Variants in CCDC191 observed in about 807,000 individuals in gnomAD.
CCDC191 encodes coiled-coil domain-containing protein 191.
Under a neutral mutation model 114.0 loss-of-function variants are expected in CCDC191, and 99 were observed. The observed-to-expected ratio is 0.87, with a 90% CI of 0.74 to 1.03. CCDC191 has a LOEUF of 1.03. Among genes scored for constraint, CCDC191 ranks in the 50% least tolerant of loss-of-function variants. The probability of loss-of-function intolerance (pLI) is 0.00; values close to 1 mark genes in which losing one functional copy is unlikely to be tolerated. For missense variants in CCDC191, 973 were observed against 1,087.0 expected (o/e 0.90, Z 1.47); for synonymous variants, 351 against 376.0 (o/e 0.93, Z 0.77).
intron 9 of CCDC191, among the ~76,000 whole-genome samples, chr3:114,006,859 C>T (rs2075980619): frequency 6.6e-6 from 1 of 151,796 alleles, no homozygotes; most frequent in African/African-American, 2.4e-5. Flanking sequence ...ATCAAGGTCC[C>T]GTTAAAGCCT....
chr3:113,971,547 G>A (rs1206761209), intron 16 of CCDC191, among the ~76,000 whole-genome samples: 1 of 152,170 alleles, frequency 6.6e-6, no homozygotes, highest in Non-Finnish European at 1.5e-5. Context: ...CATGGTGAAT[G>A]TTCTTTTCAA....
At chr3:114,001,796 C>T in intron 12 of CCDC191, 100 bp from the exon 13 acceptor site, 1 of 1,418,028 alleles carries the variant, frequency 7.1e-7, no homozygotes, top group Non-Finnish European at 9.6e-7. Flanking sequence ...AAGTGCCTGT[C>T]CTATCTCTGG....
At chr3:113,991,268 C>G (rs529004540) in intron 13 of CCDC191, among the ~76,000 whole-genome samples, 99 of 141,482 alleles carry the variant, frequency 7.0e-4, no homozygotes, top group Admixed American at 1.6e-3. Context: ...ACCCCCCCCC[C>G]CAAAAACCAA....
chr3:113,986,764 G>A (rs548279344), intron 13 of CCDC191, among the ~76,000 whole-genome samples: 1 of 152,206 alleles, frequency 6.6e-6, no homozygotes, highest in East Asian at 1.9e-4. Flanking sequence ...CTTATAAGAA[G>A]CGATACCGTG....
chr3:114,024,485 T>C (rs2107710967), intron 7 of CCDC191, among the ~76,000 whole-genome samples: 1 of 152,172 alleles, frequency 6.6e-6, no homozygotes, highest in East Asian at 1.9e-4. Context: ...ATTAAGAAAA[T>C]GTGGCACATA....
At chr3:113,980,532 A>G in intron 14 of CCDC191, 118 bp downstream of exon 14, 1 of 952,280 alleles carries the variant, frequency 1.1e-6, no homozygotes, top group African/African-American at 1.7e-5. Context: ...ACATTCAATT[A>G]ATTTATCTTT....
At chr3:114,006,229 A>T (rs12634932) in intron 9 of CCDC191, among the ~76,000 whole-genome samples, 17,155 of 151,566 alleles carry the variant, frequency 0.11, 1,177 homozygotes, top group Admixed American at 0.19. Flanking sequence ...TGGGCAGATG[A>T]CTTAAGGTCA....
At chr3:114,034,139 CTTTT>C (rs982754941) in intron 6 of CCDC191, among the ~76,000 whole-genome samples, 1 of 152,130 alleles carries the variant, frequency 6.6e-6, no homozygotes, top group African/African-American at 2.4e-5. Context: ...GTCAGATATT[CTTTT>C]TCTTTATCAG....
intron 8 of CCDC191, among the ~76,000 whole-genome samples, chr3:114,012,873 C>A (rs1009312137): frequency 1.3e-5 from 2 of 151,974 alleles, no homozygotes; most frequent in Admixed American, 6.6e-5. Context: ...TATAACAAGA[C>A]TAAAAAAGTA....
rs919408085 is a variant in CCDC191, at chr3:113,965,067, GTGTA to G, written c.*84_*87del. On this transcript the variant is annotated 3_prime_UTR_variant, in exon 17 of 17. Transcript: ENST00000295878. ...AAGTAGCTCGTAGAGAATAAACCAG[GTGTA>G]TGTATGTATGTGTGTGGGTGGGTGG... The G allele has an allele frequency of 1.4e-5, 9 of 664,222 alleles. No individual in the cohort carries two copies. The highest frequency in any genetic ancestry group is 2.9e-4 in the Middle Eastern group (1 of 3,448). 41.1% of individuals were successfully genotyped at this position (664,222 alleles called of 1,614,324 possible).
At chr3:113,987,263 A>G (rs2075394716) in intron 13 of CCDC191, among the ~76,000 whole-genome samples, 1 of 152,224 alleles carries the variant, frequency 6.6e-6, no homozygotes, top group South Asian at 2.1e-4. Flanking sequence ...CTACCCTATA[A>G]GAAATGGTAA....
chr3:113,967,785 A>G (rs1577298247), intron 16 of CCDC191, among the ~76,000 whole-genome samples: 1 of 151,546 alleles, frequency 6.6e-6, no homozygotes, highest in Non-Finnish European at 1.5e-5. Flanking sequence ...CTCTTCATCC[A>G]CCTCCCAACC....
At chr3:114,051,778 G>A (rs887245185) in intron 2 of CCDC191, among the ~76,000 whole-genome samples, 20 of 152,242 alleles carry the variant, frequency 1.3e-4, no homozygotes, top group African/African-American at 4.3e-4. Context: ...GAAGTCTTCG[G>A]TCCAGAGGTT....
At chr3:114,054,554 G>C (rs2076740191) in intron 1 of CCDC191, among the ~76,000 whole-genome samples, 2 of 152,114 alleles carry the variant, frequency 1.3e-5, no homozygotes, top group Admixed American at 1.3e-4. Context: ...GGAGAATGGC[G>C]TGAACCCGAG....
intron 2 of CCDC191, among the ~76,000 whole-genome samples, 155 bp downstream of exon 2, chr3:114,053,442 A>G (rs2076723679): frequency 6.6e-6 from 1 of 152,240 alleles, no homozygotes; most frequent in Non-Finnish European, 1.5e-5. Context: ...ATGAAAAAAA[A>G]TACTAAAAAG....
At chr3:114,052,379 A>G (rs1399055579) in intron 2 of CCDC191, among the ~76,000 whole-genome samples, 4 of 152,196 alleles carry the variant, frequency 2.6e-5, no homozygotes, top group Non-Finnish European at 4.4e-5. Flanking sequence ...ATGGTAACTA[A>G]CTGTGTGACT....
intron 8 of CCDC191, among the ~76,000 whole-genome samples, chr3:114,014,869 C>A (rs1230419260): frequency 6.6e-6 from 1 of 151,754 alleles, no homozygotes; most frequent in Non-Finnish European, 1.5e-5. Flanking sequence ...ATTTTAACTT[C>A]CCCATTTAGA....
intron 4 of CCDC191, among the ~76,000 whole-genome samples, chr3:114,038,562 G>A (rs922184821): frequency 6.6e-6 from 1 of 152,174 alleles, no homozygotes; most frequent in Non-Finnish European, 1.5e-5. Flanking sequence ...ATTGTGAAGA[G>A]TGTGTGCTGC....
chr3:113,991,254 A>G (rs1157573291), intron 13 of CCDC191, among the ~76,000 whole-genome samples: 1 of 140,772 alleles, frequency 7.1e-6, no homozygotes, highest in Non-Finnish European at 1.6e-5. Context: ...AGAAAAACAA[A>G]CAAACCCCCC....
Sources: gnomAD v4.1 joint callset for allele counts (sites outside exome capture counted in the v4.1 genomes callset) on GRCh38, gnomAD v4.1.1 for gene constraint, MANE v1.5 for transcripts, NCBI Gene and HGNC (gene_info 2026-07-23, HGNC 2026-07-21) for gene names.